The following XRN2 variants were observed in gnomAD, a reference collection of about 807,000 sequenced individuals.
The protein encoded by XRN2 is 5'-3' exoribonuclease 2, also known as DHM1-like protein.
A neutral mutation model predicts 138.5 loss-of-function variants in XRN2; 44 were observed. That is an observed-to-expected ratio of 0.32 (90% CI 0.25 to 0.41). The LOEUF (loss-of-function observed/expected upper bound fraction) is 0.41. Ranked by LOEUF, XRN2 falls within the 10% of genes least tolerant of loss-of-function variation. The probability of loss-of-function intolerance (pLI) is 1.00; values close to 1 mark genes in which losing one functional copy is unlikely to be tolerated. For missense variants in XRN2, 937 were observed against 1,169.3 expected (o/e 0.80, Z 2.90); for synonymous variants, 354 against 369.4 (o/e 0.96, Z 0.48).
At chr20:21,349,612 T>G in intron 20 of XRN2, 151 bp downstream of exon 20, 2 of 655,142 alleles carry the variant, frequency 3.1e-6, no homozygotes, top group Non-Finnish European at 5.1e-6. Flanking sequence ...GCGTGGTGGC[T>G]TGCACCTGTA....
chr20:21,354,914 T>C (rs1408928950), intron 21 of XRN2, 42 bp downstream of exon 21: 10 of 1,496,922 alleles, frequency 6.7e-6, no homozygotes, highest in East Asian at 2.3e-5. Context: ...CTGTGTAATA[T>C]ACACTTTATA....
chr20:21,356,601 C>T lies in XRN2; in HGVS notation c.2134C>T (p.Pro712Ser), dbSNP rs1230601174. The change falls in exon 23 of 30, where the codon CCT becomes TCT. Residue 712 changes from proline to serine, a missense_variant. Transcript: ENST00000377191. ...TTTTCCACAGCCAGTGGAGGTACCC[C>T]CTGAACTATGTCATGGGATTCAAGG... The part of the protein sequence containing the change: ...TGSTEPVEVP[P>S]ELCHGIQGKF... 1.2e-5 allele frequency: 19 copies of T among 1,613,358 alleles called. No individual in the cohort carries two copies. Among genetic ancestry groups the T allele is most frequent in the Non-Finnish European group, 1.6e-5 (19 of 1,179,694 alleles).
At chr20:21,308,556 G>A (rs1369827407) in intron 1 of XRN2, among the ~76,000 whole-genome samples, 1 of 152,160 alleles carries the variant, frequency 6.6e-6, no homozygotes, top group Non-Finnish European at 1.5e-5. Flanking sequence ...GTAGTCCAGT[G>A]TACTGTTACC....
chr20:21,386,752 T>C, intron 28 of XRN2, 116 bp from the exon 29 acceptor site: 2 of 1,316,788 alleles, frequency 1.5e-6, no homozygotes, highest in South Asian at 1.5e-5. Context: ...GTATCCCATA[T>C]GATAAATCCA....
chr20:21,339,515 TTCTG>T (rs1047164619), intron 14 of XRN2, among the ~76,000 whole-genome samples: 1 of 152,330 alleles, frequency 6.6e-6, no homozygotes, highest in African/African-American at 2.4e-5. Flanking sequence ...CAGAATCCAA[TTCTG>T]TCTTAGTTTG....
At chr20:21,319,921 A>G (rs1055286762) in intron 1 of XRN2, among the ~76,000 whole-genome samples, 6 of 152,186 alleles carry the variant, frequency 3.9e-5, no homozygotes, top group African/African-American at 1.4e-4. Flanking sequence ...TAATATTTAT[A>G]CAATTGCTTT....
At chr20:21,344,956 A>G (rs2038417777) in intron 16 of XRN2, among the ~76,000 whole-genome samples, 1 of 152,256 alleles carries the variant, frequency 6.6e-6, no homozygotes, top group Non-Finnish European at 1.5e-5. Flanking sequence ...ACAAGACAGT[A>G]GTCACCTACA....
At chr20:21,347,693 A>T (rs1360983213) in intron 17 of XRN2, among the ~76,000 whole-genome samples, 1 of 152,206 alleles carries the variant, frequency 6.6e-6, no homozygotes, top group African/African-American at 2.4e-5. Flanking sequence ...GGTGAATTTT[A>T]AAATGAAACT....
chr20:21,320,564 G>T (rs1346339296), intron 1 of XRN2, among the ~76,000 whole-genome samples: 1 of 151,706 alleles, frequency 6.6e-6, no homozygotes, highest in South Asian at 2.1e-4. Flanking sequence ...CTCCCAAAGT[G>T]CTGGGATTAC....
rs1437927788 is a variant in XRN2, at chr20:21,303,389, G to T, written c.-10G>T. ...AGCCGGTCGGCCGCCGCCTCCAGCC[G>T]TGTGCCGCTATGGGAGTCCCGGCGT... On this transcript the variant is annotated 5_prime_UTR_variant, in exon 1 of 30. Coordinates refer to ENST00000377191, the MANE Select transcript of XRN2 (RefSeq NM_012255.5). 2.6e-6 allele frequency: 4 copies of T among 1,547,098 alleles called. No homozygotes were observed. The highest frequency in any genetic ancestry group is 1.4e-5 in the African/African-American group (1 of 72,310).
In XRN2 at chr20:21,365,448, T is replaced by G. The variant is rs1436666807; in HGVS notation, c.2283T>G (p.Ala761=). The G allele has an allele frequency of 6.2e-7, 1 of 1,613,762 alleles. No homozygotes were observed. Among genetic ancestry groups the G allele is most frequent in the African/African-American group, 1.3e-5 (1 of 75,054 alleles). ...TTAATTTTAAAGACCCACAGTTTGC[T>G]GAAGATTACATTTTTAAAGCTGTAA... is the stretch of plus-strand genomic sequence containing the variant. ...VSINFKDPQF[A]EDYIFKAVML... The change falls in exon 25 of 30, where the codon GCT becomes GCG. Residue 761 remains alanine, a synonymous_variant. Transcript: ENST00000377191.
intron 27 of XRN2, 76 bp downstream of exon 27, chr20:21,368,666 C>A: frequency 6.4e-7 from 1 of 1,567,400 alleles, no homozygotes; most frequent in Non-Finnish European, 8.6e-7. Flanking sequence ...ATCTTCTTTG[C>A]TGAAAAAGAT....
chr20:21,308,900 G>A (rs1471459574), intron 1 of XRN2, among the ~76,000 whole-genome samples: 3 of 151,904 alleles, frequency 2.0e-5, no homozygotes, highest in African/African-American at 7.2e-5. Flanking sequence ...AAGGTCTCCT[G>A]TGTTTTCTTA....
At chr20:21,313,341 G>A (rs1410196684) in intron 1 of XRN2, among the ~76,000 whole-genome samples, 7 of 152,184 alleles carry the variant, frequency 4.6e-5, no homozygotes, top group Non-Finnish European at 8.8e-5. Context: ...GTTGCCAGCT[G>A]GGAATGTGTA....
In XRN2 at chr20:21,353,794, T is replaced by TAA. The variant is rs11483541; in HGVS notation, c.1937-980_1937-979dup. ...TGGGTGACAGAGTGAGACCCTATCT[T>TAA]AAAAAAAAAAAAAAAACAACTGTTA... On this transcript the variant is annotated intron_variant, in intron 20 of 29. Coordinates refer to ENST00000377191, the MANE Select transcript of XRN2 (RefSeq NM_012255.5). Among the ~76,000 whole-genome samples, 750 of 138,908 alleles carry TAA rather than the reference T, an allele frequency of 5.4e-3. 12 individuals are homozygous for TAA. The highest frequency in any genetic ancestry group is 0.051 in the South Asian group (220 of 4,326). 91.1% of individuals were successfully genotyped at this position (138,908 alleles called of 152,430 possible).
chr20:21,304,875 C>T (rs952037729), intron 1 of XRN2, among the ~76,000 whole-genome samples: 8 of 152,094 alleles, frequency 5.3e-5, no homozygotes, highest in Non-Finnish European at 1.0e-4. Context: ...TTGTGGGCAT[C>T]CAAAATTAAA....
intron 1 of XRN2, among the ~76,000 whole-genome samples, chr20:21,323,784 T>C (rs1422301704): frequency 6.6e-6 from 1 of 152,214 alleles, no homozygotes; most frequent in Non-Finnish European, 1.5e-5. Flanking sequence ...TGCTAGGCAC[T>C]AGGGCAGGGA....
intron 1 of XRN2, among the ~76,000 whole-genome samples, chr20:21,312,245 T>C (rs2037891361): frequency 6.6e-6 from 1 of 151,930 alleles, no homozygotes; most frequent in Non-Finnish European, 1.5e-5. Flanking sequence ...CCCGAGTAGC[T>C]GGGACTACAG....
rs1415900156 is a variant in XRN2 at position 21,307,831 on chromosome 20, A to G, written c.75+4358A>G. 1.2e-4 allele frequency among the ~76,000 whole-genome samples: 9 copies of G among 77,914 alleles called. 2 individuals carry two copies. The highest frequency in any genetic ancestry group is 4.6e-4 in the Admixed American group (3 of 6,536). The allele number at this position is 77,914 out of a possible 152,430, so 51.1% of individuals were successfully genotyped here. On this transcript the variant is annotated intron_variant, in intron 1 of 29. Transcript: ENST00000377191. Reference sequence around the variant, plus strand: ...TTTCATTTTCTATAATTTTTTATAAATGAGATTATATAGTATATACTCATT... The same window carrying G: ...TTTCATTTTCTATAATTTTTTATAAGTGAGATTATATAGTATATACTCATT...
Sources: gnomAD v4.1 joint callset for allele counts (sites outside exome capture counted in the v4.1 genomes callset) on GRCh38, gnomAD v4.1.1 for gene constraint, MANE v1.5 for transcripts, NCBI Gene and HGNC (gene_info 2026-07-23, HGNC 2026-07-21) for gene names.